OPHN1: variants seen among roughly 807,000 people sequenced by gnomAD.
The protein encoded by OPHN1 is oligophrenin 1, also known as oligophrenin-1.
A neutral mutation model predicts 60.7 loss-of-function variants in OPHN1; 11 were observed. That is an observed-to-expected ratio of 0.18 (90% CI 0.11 to 0.30). The LOEUF is 0.30. Among genes scored for constraint, OPHN1 ranks in the 10% least tolerant of loss-of-function variants. The pLI is 1.00. For missense variants in OPHN1, 449 were observed against 611.0 expected (o/e 0.73, Z 2.80); for synonymous variants, 226 against 222.6 (o/e 1.02, Z -0.14).
intron 2 of OPHN1, among the ~76,000 whole-genome samples, chrX:68,327,797 T>TAAAAAAA (rs35324033): frequency 3.0e-5 from 2 of 67,381 alleles, no homozygotes; most frequent in East Asian, 4.4e-4. Flanking sequence ...ATAAAAAAAA[T>TAAAAAAA]AAAAAAAAAA....
intron 19 of OPHN1, among the ~76,000 whole-genome samples, chrX:68,078,264 G>A (rs2076960872): frequency 9.0e-6 from 1 of 110,839 alleles, no homozygotes; most frequent in Admixed American, 9.6e-5. Context: ...CAATGCCCAG[G>A]GCAGTCCCCA....
At chrX:68,316,375 A>G (rs1441120989) in intron 2 of OPHN1, among the ~76,000 whole-genome samples, 1 of 112,233 alleles carries the variant, frequency 8.9e-6, no homozygotes, top group African/African-American at 3.2e-5. Flanking sequence ...ATTCTTTTCA[A>G]GCGTCCATGA....
intron 17 of OPHN1, among the ~76,000 whole-genome samples, 167 bp from the exon 18 acceptor site, chrX:68,112,126 C>G (rs1052077659): frequency 1.9e-5 from 2 of 106,915 alleles, no homozygotes; most frequent in African/African-American, 3.5e-5. Context: ...GAGACACACA[C>G]AGAGAGAGAG....
At position 68,073,436 on chromosome X, in the gene OPHN1, G is replaced by A. The variant is rs1005204505; in HGVS notation, c.1687-137C>T. The A allele has an allele frequency of 5.6e-6, 3 of 536,410 alleles. No homozygotes were observed. In the South Asian group the frequency reaches 1.1e-4, roughly 19 times the overall value. The allele number at this position is 536,410 out of a possible 1,213,427, so 44.2% of individuals were successfully genotyped here. On this transcript the variant is annotated intron_variant, in intron 19 of 24. Coordinates refer to ENST00000355520, the MANE Select transcript of OPHN1 (RefSeq NM_002547.3). ...AATACTAACATGACTCAAAGAATCAGAGATTTTCTTAATCACTCTAGCTAC... is the reference window on the plus strand; with the variant it reads ...AATACTAACATGACTCAAAGAATCAAAGATTTTCTTAATCACTCTAGCTAC...
rs774496840 is a variant in OPHN1 at position 68,227,747 on chromosome X, G to T, written c.486+6740C>A. 1.9e-4 allele frequency among the ~76,000 whole-genome samples: 21 copies of T among 110,878 alleles called. No individual in the cohort carries two copies. The East Asian group carries it at 4.8e-3, about 26-fold the overall frequency. ...AACATACCAGAATCTCTGGGACACA[G>T]TTAGAGCAGTGTGTAGAGGGAAATT... is the stretch of plus-strand genomic sequence containing the variant. On this transcript the variant is annotated intron_variant, in intron 6 of 24. Transcript: ENST00000355520.
At position 68,053,654 on chromosome X, in the gene OPHN1, G is replaced by T. The variant is rs1451445409; in HGVS notation, c.2315C>A (p.Thr772Lys). The T allele has an allele frequency of 8.3e-7, 1 of 1,211,257 alleles. No homozygotes were observed. Among genetic ancestry groups the T allele is most frequent in the Non-Finnish European group, 1.1e-6 (1 of 895,251 alleles). The change falls in exon 22 of 25, where the codon ACA becomes AAA. Residue 772 changes from threonine (T) to lysine (K), a missense_variant. By Grantham distance (78) the Thr-to-Lys change is moderately conservative. Transcript: ENST00000355520. ...DIVAGNAGEI[T>K]SSVVASRTRF... ...GTACAACCCTACTTACACAGATGATGTGATTTCCCCCGCATTGCCAGCCAC... is the reference window on the plus strand; with the variant it reads ...GTACAACCCTACTTACACAGATGATTTGATTTCCCCCGCATTGCCAGCCAC...
intron 3 of OPHN1, among the ~76,000 whole-genome samples, chrX:68,284,878 C>T (rs764665193): frequency 2.0e-3 from 223 of 111,949 alleles, no homozygotes; most frequent in African/African-American, 7.0e-3. Context: ...AAAAGTTGGC[C>T]CTCCATGTGT....
chrX:68,401,572 C>T (rs2078714972), intron 2 of OPHN1, among the ~76,000 whole-genome samples: 1 of 112,207 alleles, frequency 8.9e-6, no homozygotes, highest in Admixed American at 9.5e-5. Context: ...CTTCCAAGAG[C>T]ATCCAATGTA....
At chrX:68,120,595 C>T (rs1216185835) in intron 15 of OPHN1, among the ~76,000 whole-genome samples, 2 of 111,605 alleles carry the variant, frequency 1.8e-5, no homozygotes, top group South Asian at 3.8e-4. Context: ...AATGCAATTC[C>T]TATCAAAATT....
At chrX:68,136,504 T>C (rs1033900706) in intron 15 of OPHN1, among the ~76,000 whole-genome samples, 3 of 108,804 alleles carry the variant, frequency 2.8e-5, no homozygotes, top group Non-Finnish European at 1.9e-5. Context: ...GGGGTTTCAC[T>C]GTGTTAGCCA....
chrX:68,317,380 G>GAAAGAAAGAAAGAAAGA lies in OPHN1; in HGVS notation c.155-18285_155-18284insTCTTTCTTTCTTTCTTT, dbSNP rs397961005. Among the ~76,000 whole-genome samples, 169 of 26,023 alleles carry GAAAGAAAGAAAGAAAGA rather than the reference G, an allele frequency of 6.5e-3. 1 individual carries two copies. The highest frequency in any genetic ancestry group is 0.043 in the Middle Eastern group (2 of 46). 22.6% of individuals were successfully genotyped at this position (26,023 alleles called of 115,157 possible). A position where few individuals can be genotyped will look rare whatever the true frequency, so the allele number is the denominator to read the frequency against. Reference sequence around the variant, plus strand: ...GAAAGAAAGAAAGAAAGAAAGAAAGGAAGGAAGGAAGGAAGGAAGGAAGGA... The same window carrying GAAAGAAAGAAAGAAAGA: ...GAAAGAAAGAAAGAAAGAAAGAAAGGAAAGAAAGAAAGAAAGAAAGGAAGGAAGGAAGGAAGGAAGGA... On this transcript the variant is annotated intron_variant, in intron 2 of 24. Coordinates refer to ENST00000355520, the MANE Select transcript of OPHN1 (RefSeq NM_002547.3).
At chrX:68,148,029 T>A (rs12012112) in intron 15 of OPHN1, among the ~76,000 whole-genome samples, 23,248 of 110,649 alleles carry the variant, frequency 0.21, 2,033 homozygotes, top group Middle Eastern at 0.31. Flanking sequence ...AAGAAAGGCT[T>A]AGTGCTATGG....
chrX:68,411,600 ACTTATTAATGAGG>A (rs2078769990), intron 2 of OPHN1, among the ~76,000 whole-genome samples: 1 of 111,699 alleles, frequency 9.0e-6, no homozygotes, highest in Non-Finnish European at 1.9e-5. Flanking sequence ...TCCTTTATAC[ACTTATTAATGAGG>A]CTGTCTGTTT....
intron 18 of OPHN1, among the ~76,000 whole-genome samples, chrX:68,103,632 T>TA (rs1389366813): frequency 1.8e-5 from 2 of 110,540 alleles, no homozygotes; most frequent in African/African-American, 6.6e-5. Flanking sequence ...CCCTCCATGC[T>TA]AAAACCTCTC....
chrX:68,412,637 C>G (rs2078774693), intron 2 of OPHN1, among the ~76,000 whole-genome samples: 1 of 111,668 alleles, frequency 9.0e-6, no homozygotes. Context: ...AAGATGGTAC[C>G]TTTATGTTAT....
chrX:68,243,618 C>A (rs1157264757), intron 5 of OPHN1, among the ~76,000 whole-genome samples: 1 of 111,287 alleles, frequency 9.0e-6, no homozygotes, highest in Non-Finnish European at 1.9e-5. Flanking sequence ...AAACTCCTGA[C>A]CTCGAGTAAT....
Position 68,048,533 on chromosome X carries a change from A to G in OPHN1, c.2376-76T>C, listed in dbSNP as rs986149982. 4.3e-6 allele frequency: 4 copies of G among 928,223 alleles called. No homozygotes were observed. In the African/African-American group the frequency reaches 7.7e-5, roughly 18 times the overall value. The allele number at this position is 928,223 out of a possible 1,213,427, so 76.5% of individuals were successfully genotyped here. ...AAGGTAAATTGGGGGAATGGGGGAC[A>G]CTTCTAGGCCAGTGCTAAAGAGGCC... On this transcript the variant is annotated intron_variant, in intron 23 of 24. Coordinates refer to ENST00000355520, the MANE Select transcript of OPHN1 (RefSeq NM_002547.3).
At chrX:68,375,250 T>C (rs1033268825) in intron 2 of OPHN1, among the ~76,000 whole-genome samples, 1 of 111,874 alleles carries the variant, frequency 8.9e-6, no homozygotes, top group Non-Finnish European at 1.9e-5. Context: ...CCCAGCACTT[T>C]GGGAGGCTGA....
At chrX:68,274,603 C>T in intron 5 of OPHN1, 135 bp downstream of exon 5, 2 of 424,711 alleles carry the variant, frequency 4.7e-6, no homozygotes, top group Non-Finnish European at 4.2e-6. Context: ...TTATTTTGCA[C>T]AGTTTAGGAG....
Sources: gnomAD v4.1 joint callset for allele counts (sites outside exome capture counted in the v4.1 genomes callset) on GRCh38, gnomAD v4.1.1 for gene constraint, MANE v1.5 for transcripts, NCBI Gene and HGNC (gene_info 2026-07-23, HGNC 2026-07-21) for gene names.